Variants in ADCY8 observed in about 807,000 individuals in gnomAD.
ADCY8 encodes adenylate cyclase type 8.
A neutral mutation model predicts 119.7 loss-of-function variants in ADCY8; 51 were observed. That is an observed-to-expected ratio of 0.43 (90% CI 0.34 to 0.54). The LOEUF (loss-of-function observed/expected upper bound fraction) is 0.54. ADCY8 is among the 20% of genes least tolerant of loss of function. ADCY8 has a pLI of 0.03. For missense variants in ADCY8, 1,383 were observed against 1,598.8 expected (o/e 0.87, Z 2.30); for synonymous variants, 665 against 651.0 (o/e 1.02, Z -0.33).
intron 1 of ADCY8, among the ~76,000 whole-genome samples, chr8:131,031,830 T>C (rs181596076): frequency 4.1e-4 from 62 of 152,298 alleles, no homozygotes; most frequent in Middle Eastern, 6.8e-3. Context: ...TATAGCAGCA[T>C]AAGATGGGTT....
intron 1 of ADCY8, among the ~76,000 whole-genome samples, chr8:131,006,423 A>C (rs1001212959): frequency 1.3e-5 from 2 of 152,154 alleles, no homozygotes; most frequent in African/African-American, 4.8e-5. Context: ...AAAAAATCAT[A>C]TGCCCTTATC....
chr8:130,937,782 A>G (rs150153709), intron 4 of ADCY8, among the ~76,000 whole-genome samples: 3,270 of 152,292 alleles, frequency 0.021, 75 homozygotes, highest in South Asian at 0.08. Context: ...TTAAAAATCA[A>G]TTGGGCACCT....
intron 1 of ADCY8, among the ~76,000 whole-genome samples, chr8:130,997,246 TATATAC>T (rs1156282102): frequency 6.6e-6 from 1 of 151,450 alleles, no homozygotes; most frequent in Non-Finnish European, 1.5e-5. Context: ...TACATATACA[TATATAC>T]ATATACATAT....
chr8:131,004,642 A>T (rs1035967809), intron 1 of ADCY8, among the ~76,000 whole-genome samples: 1 of 152,214 alleles, frequency 6.6e-6, no homozygotes, highest in African/African-American at 2.4e-5. Flanking sequence ...CTGTAGAGTA[A>T]TCAAATATTT....
At chr8:131,005,479 T>C (rs191277734) in intron 1 of ADCY8, among the ~76,000 whole-genome samples, 3 of 152,312 alleles carry the variant, frequency 2.0e-5, no homozygotes, top group African/African-American at 7.2e-5. Flanking sequence ...TCACACAGGA[T>C]AACTTGGAGT....
Position 130,903,974 on chromosome 8 carries a change from C to A in ADCY8, c.1709G>T (p.Gly570Val). 6.2e-7 allele frequency: 1 copy of A among 1,614,162 alleles called. No homozygotes were observed. Among genetic ancestry groups the A allele is most frequent in the African/African-American group, 1.3e-5 (1 of 75,048 alleles). ...CCTCAGGAATTCATTCCTCTCTTTA[C>A]CATGGCCCTCTTCCACGTTATAGTC... The part of the protein sequence containing the change: ...NGDYNVEEGH[G>V]KERNEFLRKH... The change falls in exon 7 of 18, where the codon GGT (glycine) becomes GTT (valine). Residue 570 changes from glycine to valine, a missense_variant. Transcript: ENST00000286355.
chr8:130,946,365 G>T (rs931474639), intron 3 of ADCY8, among the ~76,000 whole-genome samples: 1 of 152,064 alleles, frequency 6.6e-6, no homozygotes, highest in African/African-American at 2.4e-5. Context: ...CAGGTCTTTC[G>T]ATCCCACCAT....
At chr8:130,850,998 C>A (rs934287743) in intron 9 of ADCY8, among the ~76,000 whole-genome samples, 1 of 152,096 alleles carries the variant, frequency 6.6e-6, no homozygotes, top group African/African-American at 2.4e-5. Context: ...AGAAACTTCC[C>A]AGGCATCATA....
chr8:130,970,030 C>T (rs1006090235), intron 2 of ADCY8, among the ~76,000 whole-genome samples: 6 of 152,180 alleles, frequency 3.9e-5, no homozygotes, highest in African/African-American at 7.2e-5. Context: ...GACAATGACA[C>T]CTTTGTGAGT....
intron 12 of ADCY8, among the ~76,000 whole-genome samples, chr8:130,830,494 C>T (rs755744026): frequency 6.6e-6 from 1 of 152,128 alleles, no homozygotes; most frequent in South Asian, 2.1e-4. Context: ...TGTCCCTGAT[C>T]ATTCTTTCCT....
intron 8 of ADCY8, among the ~76,000 whole-genome samples, chr8:130,869,812 C>T (rs773474932): frequency 1.4e-4 from 21 of 151,596 alleles, no homozygotes; most frequent in Non-Finnish European, 2.8e-4. Context: ...CCACTGCACC[C>T]GGCCGGCTAC....
chr8:130,821,858 T>G (rs1816521121), intron 12 of ADCY8, among the ~76,000 whole-genome samples: 1 of 152,048 alleles, frequency 6.6e-6, no homozygotes, highest in Non-Finnish European at 1.5e-5. Context: ...GACTTAGGAG[T>G]GAAAATGTAC....
intron 16 of ADCY8, among the ~76,000 whole-genome samples, chr8:130,784,582 A>C (rs765340556): frequency 1.1e-4 from 17 of 152,216 alleles, no homozygotes; most frequent in Admixed American, 2.6e-4. Flanking sequence ...TTGCCATTTT[A>C]GCTTGAAAGG....
At chr8:130,794,673 A>C (rs1815525782) in intron 15 of ADCY8, among the ~76,000 whole-genome samples, 1 of 152,252 alleles carries the variant, frequency 6.6e-6, no homozygotes, top group African/African-American at 2.4e-5. Context: ...TCAAGCAGCC[A>C]TAATAAAAAC....
At chr8:130,792,054 T>C (rs1815440752) in intron 15 of ADCY8, among the ~76,000 whole-genome samples, 1 of 152,334 alleles carries the variant, frequency 6.6e-6, no homozygotes, top group South Asian at 2.1e-4. Context: ...GGTCCTGCCA[T>C]GCCACTGAAA....
chr8:130,998,953 C>T (rs1275469810), intron 1 of ADCY8, among the ~76,000 whole-genome samples: 1 of 152,136 alleles, frequency 6.6e-6, no homozygotes, highest in Non-Finnish European at 1.5e-5. Context: ...TTTTAGGAAG[C>T]TCCCAAGTCG....
chr8:130,780,922 G>A (rs767244640), intron 17 of ADCY8, 45 bp from the exon 18 acceptor site: 2 of 1,596,598 alleles, frequency 1.3e-6, no homozygotes, highest in Non-Finnish European at 1.7e-6. Context: ...GGAGAAGGGG[G>A]ACAATGGGGT....
chr8:131,031,388 G>A (rs960518110), intron 1 of ADCY8, among the ~76,000 whole-genome samples: 3 of 152,116 alleles, frequency 2.0e-5, no homozygotes, highest in African/African-American at 4.8e-5. Flanking sequence ...TCTTTGTCAT[G>A]GCAGAACCCC....
chr8:130,801,031 T>G (rs1051160667), intron 14 of ADCY8, among the ~76,000 whole-genome samples: 8 of 152,184 alleles, frequency 5.3e-5, no homozygotes, highest in Admixed American at 2.0e-4. Context: ...ACCATCACCT[T>G]GTGAGTTAGG....
Sources: allele counts gnomAD v4.1 joint callset (sites outside exome capture counted in the v4.1 genomes callset), GRCh38; gene constraint gnomAD v4.1.1; transcripts MANE v1.5; gene names NCBI Gene and HGNC (gene_info 2026-07-23, HGNC 2026-07-21).